Variants in ZFHX4 observed in about 807,000 individuals in gnomAD.
The protein encoded by ZFHX4 is zinc finger homeobox protein 4.
Under a neutral mutation model 267.6 loss-of-function variants are expected in ZFHX4, and 56 were observed. That is an observed-to-expected ratio of 0.21 (90% confidence interval 0.17 to 0.26). The LOEUF (loss-of-function observed/expected upper bound fraction) is 0.26, where lower values mean the gene tolerates loss of function less well. Among genes scored for constraint, ZFHX4 ranks in the 10% least tolerant of loss-of-function variants. ZFHX4 has a pLI of 1.00. For missense variants in ZFHX4, 4,332 were observed against 4,420.0 expected (o/e 0.98, Z 0.56); for synonymous variants, 1,778 against 1,665.6 (o/e 1.07, Z -1.64).
At chr8:76,696,346 T>TTA (rs1807956283) in intron 1 of ZFHX4, among the ~76,000 whole-genome samples, 1 of 152,136 alleles carries the variant, frequency 6.6e-6, no homozygotes, top group African/African-American at 2.4e-5. Flanking sequence ...ATTCTTGTAA[T>TTA]TATTTTTCCT....
chr8:76,738,696 C>T (rs983382287), intron 3 of ZFHX4, among the ~76,000 whole-genome samples: 2 of 139,604 alleles, frequency 1.4e-5, no homozygotes, highest in South Asian at 5.1e-4. Flanking sequence ...CCTCCTCCCT[C>T]CCTTTCTCTC....
chr8:76,713,274 T>TAGAA (rs1563478861), intron 3 of ZFHX4, among the ~76,000 whole-genome samples: 2 of 140,034 alleles, frequency 1.4e-5, no homozygotes, highest in African/African-American at 5.7e-5. Flanking sequence ...GATAGAGAGA[T>TAGAA]AGATAGAAAG....
At chr8:76,809,083 C>A (rs947506381) in intron 4 of ZFHX4, among the ~76,000 whole-genome samples, 6 of 152,104 alleles carry the variant, frequency 3.9e-5, no homozygotes, top group Admixed American at 2.6e-4. Context: ...ATCTGGATAT[C>A]ATACCCGTAT....
At chr8:76,716,933 T>G (rs1384425351) in intron 3 of ZFHX4, among the ~76,000 whole-genome samples, 1 of 152,180 alleles carries the variant, frequency 6.6e-6, no homozygotes, top group Non-Finnish European at 1.5e-5. Flanking sequence ...TTAAGCACCT[T>G]TGGAAGCTGC....
intron 4 of ZFHX4, among the ~76,000 whole-genome samples, chr8:76,812,756 C>G (rs191546643): frequency 6.6e-6 from 1 of 151,680 alleles, no homozygotes; most frequent in Non-Finnish European, 1.5e-5. Context: ...AAGATTGTAA[C>G]GAAAAAAATG....
intron 3 of ZFHX4, among the ~76,000 whole-genome samples, chr8:76,740,656 G>C (rs1333708442): frequency 6.6e-6 from 1 of 152,086 alleles, no homozygotes; most frequent in Admixed American, 6.6e-5. Context: ...TGCAAACCTT[G>C]AAAACTGGCT....
intron 1 of ZFHX4, among the ~76,000 whole-genome samples, chr8:76,687,011 G>A (rs1432525111): frequency 6.6e-6 from 1 of 152,190 alleles, no homozygotes; most frequent in Non-Finnish European, 1.5e-5. Flanking sequence ...CCCAGGGAAA[G>A]TGCATGTGAA....
At position 76,685,724 on chromosome 8, in the gene ZFHX4, T is replaced by C. The variant is rs73347321; in HGVS notation, c.-47+4104T>C. The stretch of plus-strand genomic sequence containing the variant: ...CATGAATTAGCTTGGTGTGAAAGTA[T>C]TGGGGCAGAGGAGTTTTCAATTAGC... On this transcript the variant is annotated intron_variant, in intron 1 of 10. Coordinates refer to ENST00000651372, the MANE Select transcript of ZFHX4 (RefSeq NM_024721.5). Among the ~76,000 whole-genome samples, 620 of 152,308 alleles carry C rather than the reference T, an allele frequency of 4.1e-3. 8 individuals are homozygous for C. The highest frequency in any genetic ancestry group is 0.014 in the African/African-American group (582 of 41,566).
chr8:76,852,772 T>TGTG lies in ZFHX4; in HGVS notation c.5854_5856dup (p.Gly1952dup). The TGTG allele has an allele frequency of 3.1e-6, 5 of 1,613,460 alleles. No individual in the cohort carries two copies. The highest frequency in any genetic ancestry group is 4.2e-6 in the Non-Finnish European group (5 of 1,179,624). Reference sequence around the variant, plus strand: ...CACTGACAAACTAGAATGTGGAACATGTGGTAAATTGTTTTCCAATGTTCT... The same window carrying TGTG: ...CACTGACAAACTAGAATGTGGAACATGTGGTGGTAAATTGTTTTCCAATGTTCT... On this transcript the variant is annotated inframe_insertion, in exon 10 of 11. Transcript: ENST00000651372.
chr8:76,761,051 G>C (rs1026212202), intron 3 of ZFHX4, among the ~76,000 whole-genome samples: 5 of 152,006 alleles, frequency 3.3e-5, no homozygotes, highest in African/African-American at 1.2e-4. Flanking sequence ...TAATGTGTGA[G>C]AGTCCATCAC....
In ZFHX4 at chr8:76,821,881, G is replaced by A. The variant is rs115870140; in HGVS notation, c.3326-11457G>A. On this transcript the variant is annotated intron_variant, in intron 4 of 10. Transcript: ENST00000651372. ...GGAGTGAATCCCAGGCTCAATCATG[G>A]ACCCTCATTCTCTAGGTTATCTCAT... Among the ~76,000 whole-genome samples, 1,077 of 152,040 alleles carry A rather than the reference G, an allele frequency of 7.1e-3. 14 individuals are homozygous for A. The highest frequency in any genetic ancestry group is 0.025 in the African/African-American group (1,042 of 41,476).
At chr8:76,847,710 C>T (rs546969894) in intron 6 of ZFHX4, among the ~76,000 whole-genome samples, 12 of 152,176 alleles carry the variant, frequency 7.9e-5, no homozygotes, top group African/African-American at 2.6e-4. Flanking sequence ...AAACATGCAT[C>T]TCTATCCACA....
intron 1 of ZFHX4, among the ~76,000 whole-genome samples, chr8:76,688,688 C>G (rs1371644872): frequency 6.6e-6 from 1 of 152,018 alleles, no homozygotes; most frequent in Non-Finnish European, 1.5e-5. Context: ...TTTCAAAGAT[C>G]GGAATTGGTT....
At chr8:76,780,187 G>A (rs1048901974) in intron 4 of ZFHX4, among the ~76,000 whole-genome samples, 7 of 152,040 alleles carry the variant, frequency 4.6e-5, no homozygotes, top group Admixed American at 6.6e-5. Flanking sequence ...CCTCTTTAAC[G>A]TGTCCATGCT....
intron 3 of ZFHX4, among the ~76,000 whole-genome samples, chr8:76,772,553 C>T (rs564545703): frequency 3.9e-5 from 6 of 152,164 alleles, no homozygotes; most frequent in African/African-American, 1.4e-4. Context: ...TCCCAGGAGT[C>T]ATATTTTGAC....
intron 3 of ZFHX4, among the ~76,000 whole-genome samples, chr8:76,738,504 G>A (rs993371753): frequency 2.0e-5 from 3 of 152,080 alleles, no homozygotes; most frequent in East Asian, 3.9e-4. Flanking sequence ...CAAAGCCACC[G>A]ATTTGCTTAA....
At chr8:76,786,884 A>G (rs1194493736) in intron 4 of ZFHX4, among the ~76,000 whole-genome samples, 2 of 152,142 alleles carry the variant, frequency 1.3e-5, no homozygotes, top group African/African-American at 4.8e-5. Flanking sequence ...AACGAAGAAA[A>G]GCTCAAAGCA....
At chr8:76,730,785 G>T (rs1014286917) in intron 3 of ZFHX4, among the ~76,000 whole-genome samples, 1 of 152,142 alleles carries the variant, frequency 6.6e-6, no homozygotes, top group African/African-American at 2.4e-5. Context: ...TTGACTTGGG[G>T]ATGGTTAAGG....
intron 4 of ZFHX4, among the ~76,000 whole-genome samples, chr8:76,818,350 A>G (rs1335001639): frequency 6.6e-6 from 1 of 152,234 alleles, no homozygotes; most frequent in Non-Finnish European, 1.5e-5. Flanking sequence ...AAGAAACTAT[A>G]CTAAAAGACT....
Sources: gnomAD v4.1 joint callset for allele counts (sites outside exome capture counted in the v4.1 genomes callset) on GRCh38, gnomAD v4.1.1 for gene constraint, MANE v1.5 for transcripts, NCBI Gene and HGNC (gene_info 2026-07-23, HGNC 2026-07-21) for gene names.